The following SHISA9 variants were observed in gnomAD, a reference collection of about 807,000 sequenced individuals.
SHISA9 encodes the protein shisa family member 9, also known as protein shisa-9.
Under a neutral mutation model 38.0 loss-of-function variants are expected in SHISA9, and 13 were observed. The ratio of observed to expected loss-of-function variants is 0.34; its 90% CI spans 0.22 to 0.54. The LOEUF is 0.54. Among genes scored for constraint, SHISA9 ranks in the 20% least tolerant of loss-of-function variants. The pLI, the probability that SHISA9 is intolerant of heterozygous loss-of-function variation, is 0.91. For synonymous variants in SHISA9, 275 were observed against 242.0 expected, an observed-to-expected ratio of 1.14 and a Z score of -1.27; for missense variants, 538 against 575.8, an observed-to-expected ratio of 0.93 and a Z score of 0.67.
chr16:12,949,472 G>A (rs1285013162), intron 2 of SHISA9, among the ~76,000 whole-genome samples: 1 of 152,218 alleles, frequency 6.6e-6, no homozygotes, highest in Non-Finnish European at 1.5e-5. Flanking sequence ...ACAGTTTAGA[G>A]CAGGCCTTTC....
chr16:13,066,124 C>T (rs1256661813), intron 2 of SHISA9, among the ~76,000 whole-genome samples: 3 of 152,198 alleles, frequency 2.0e-5, no homozygotes, highest in South Asian at 4.1e-4. Flanking sequence ...TGATTCTCCA[C>T]ATCCTTTTCC....
chr16:13,131,181 C>G (rs1355561194), intron 2 of SHISA9, among the ~76,000 whole-genome samples: 1 of 152,058 alleles, frequency 6.6e-6, no homozygotes, highest in Non-Finnish European at 1.5e-5. Context: ...CATTGCTGCA[C>G]TATTCACAAT....
At chr16:13,539,737 C>T in the SHISA9 span, among the ~76,000 whole-genome samples, 1 of 152,016 alleles carries the variant, frequency 6.6e-6, no homozygotes, top group Admixed American at 6.6e-5. Flanking sequence ...TTTTTGAATC[C>T]TCATCCTCCT....
the SHISA9 span, among the ~76,000 whole-genome samples, chr16:13,295,091 C>G: frequency 6.6e-6 from 1 of 152,138 alleles, no homozygotes; most frequent in Non-Finnish European, 1.5e-5. Flanking sequence ...AGATTCTAAA[C>G]CAGGGAACCT....
chr16:13,319,005 AT>A, the SHISA9 span, among the ~76,000 whole-genome samples: 1 of 151,950 alleles, frequency 6.6e-6, no homozygotes, highest in East Asian at 1.9e-4. Flanking sequence ...CACTACTTTT[AT>A]TTCATTTTAT....
At chr16:13,469,413 G>GAA in the SHISA9 span, among the ~76,000 whole-genome samples, 35 of 113,612 alleles carry the variant, frequency 3.1e-4, no homozygotes, top group African/African-American at 1.1e-3. Context: ...AAGAAAGAAA[G>GAA]AAAGAAAGAA....
At chr16:13,367,728 A>G in the SHISA9 span, among the ~76,000 whole-genome samples, 40 of 140,130 alleles carry the variant, frequency 2.9e-4, no homozygotes, top group Admixed American at 7.6e-4. Context: ...ACACACACAC[A>G]CACACACACA....
chr16:13,179,398 A>G (rs1479820268), intron 2 of SHISA9, among the ~76,000 whole-genome samples: 1 of 152,220 alleles, frequency 6.6e-6, no homozygotes, highest in Non-Finnish European at 1.5e-5. Context: ...ACATCTCTAC[A>G]TGCCTTATCT....
chr16:13,214,012 T>A (rs1227468317), intron 4 of SHISA9, among the ~76,000 whole-genome samples: 1 of 152,226 alleles, frequency 6.6e-6, no homozygotes, highest in Non-Finnish European at 1.5e-5. Context: ...TCTAGAGTCA[T>A]GTGACTATTC....
the SHISA9 span, among the ~76,000 whole-genome samples, chr16:13,488,665 G>C: frequency 7.3e-6 from 1 of 137,814 alleles, no homozygotes; most frequent in Non-Finnish European, 1.7e-5. Flanking sequence ...TATGTAGTAG[G>C]TGATATCATC....
the SHISA9 span, among the ~76,000 whole-genome samples, chr16:13,376,075 A>G: frequency 6.6e-6 from 1 of 152,254 alleles, no homozygotes; most frequent in Non-Finnish European, 1.5e-5. Context: ...CATCTTGGAC[A>G]TTGATAATTG....
At chr16:13,472,376 A>ATTTTTTTTTTTTTTTTTTTT in the SHISA9 span, among the ~76,000 whole-genome samples, 1 of 113,436 alleles carries the variant, frequency 8.8e-6, no homozygotes, top group African/African-American at 3.6e-5. Context: ...CGCTCTGCTA[A>ATTTTTTTTTTTTTTTTTTTT]ATTTTTTTTT....
At chr16:13,497,268 G>A in the SHISA9 span, among the ~76,000 whole-genome samples, 2 of 152,060 alleles carry the variant, frequency 1.3e-5, no homozygotes, top group African/African-American at 4.8e-5. Flanking sequence ...TATATTTATG[G>A]GGTACAGTGT....
the SHISA9 span, among the ~76,000 whole-genome samples, chr16:13,557,489 C>T: frequency 3.6e-4 from 55 of 152,234 alleles, no homozygotes; most frequent in African/African-American, 1.3e-3. Flanking sequence ...CGTGGCAAAG[C>T]TGCCTCATAG....
the SHISA9 span, among the ~76,000 whole-genome samples, chr16:13,381,043 C>T: frequency 7.6e-4 from 115 of 152,096 alleles, 1 homozygote; most frequent in African/African-American, 2.7e-3. Context: ...TGTATATGTG[C>T]CACATTTTCT....
the SHISA9 span, among the ~76,000 whole-genome samples, chr16:13,417,706 T>C: frequency 6.6e-5 from 10 of 152,322 alleles, no homozygotes; most frequent in African/African-American, 2.2e-4. Context: ...TCAGCAGATA[T>C]CGTCTGCAAA....
chr16:13,260,586 A>C, the SHISA9 span, among the ~76,000 whole-genome samples: 11 of 152,254 alleles, frequency 7.2e-5, no homozygotes, highest in Admixed American at 5.9e-4. Context: ...CATCATCTCC[A>C]TCTGAGACCA....
rs988407854 is a variant in SHISA9 at position 12,911,253 on chromosome 16, C to T, written c.564-5435C>T. 13 of 985,192 alleles carry T rather than the reference C, an allele frequency of 1.3e-5. No homozygotes were observed. The Admixed American group carries it at 2.5e-4, about 19-fold the overall frequency. The allele number at this position is 985,192 out of a possible 1,614,324, so 61.0% of individuals were successfully genotyped here. A position where few individuals can be genotyped will look rare whatever the true frequency, so the allele number is the denominator to read the frequency against. ...ACAAGATCCCCAGGTGATCTGGATG[C>T]ACCGTAACATCTGAGAAGCACTCAA... On this transcript the variant is annotated intron_variant, in intron 1 of 4. Transcript: ENST00000558583.
intron 2 of SHISA9, among the ~76,000 whole-genome samples, chr16:12,921,589 C>G (rs951032419): frequency 6.6e-6 from 1 of 152,050 alleles, no homozygotes; most frequent in African/African-American, 2.4e-5. Context: ...AGATGAGACC[C>G]TGTCTCTAAA....
Sources: allele counts gnomAD v4.1 joint callset (sites outside exome capture counted in the v4.1 genomes callset), GRCh38; gene constraint gnomAD v4.1.1; transcripts MANE v1.5; gene names NCBI Gene and HGNC (gene_info 2026-07-23, HGNC 2026-07-21).